Variants in BCAS3 observed in about 807,000 individuals in gnomAD.
The protein encoded by BCAS3 is BCAS3 microtubule associated cell migration factor, also known as BCAS4/BCAS3 fusion.
Under a neutral mutation model 116.1 loss-of-function variants are expected in BCAS3, and 53 were observed. That is an observed-to-expected ratio of 0.46 (90% CI 0.37 to 0.57). BCAS3 has a LOEUF of 0.57. Among genes scored for constraint, BCAS3 ranks in the 20% least tolerant of loss-of-function variants. The probability of loss-of-function intolerance (pLI) is 0.00; values close to 1 mark genes in which losing one functional copy is unlikely to be tolerated. For synonymous variants in BCAS3, 391 were observed against 408.2 expected (o/e 0.96, Z 0.51); for missense variants, 917 against 1,165.4 (o/e 0.79, Z 3.10).
Position 61,065,629 on chromosome 17 carries a change from A to G in BCAS3, c.2030-9291A>G, listed in dbSNP as rs1447254623. Among the ~76,000 whole-genome samples, 1 of 152,198 alleles carries G rather than the reference A, an allele frequency of 6.6e-6. No individual in the cohort carries two copies. The highest frequency in any genetic ancestry group is 1.5e-5 in the Non-Finnish European group (1 of 68,024). ...GACTGAAAAATGCTGGCACAACATT[A>G]TTCATCTCTCAGGTCTCCACTAAAA... On this transcript the variant is annotated intron_variant, in intron 19 of 23. Coordinates refer to ENST00000407086, the MANE Select transcript of BCAS3 (RefSeq NM_017679.5). The surrounding 1 kb of genome is among the most constrained non-coding windows in gnomAD (Gnocchi z 4.8).
chr17:61,328,156 C>CT (rs1335839705), intron 22 of BCAS3, among the ~76,000 whole-genome samples: 4 of 150,106 alleles, frequency 2.7e-5, no homozygotes, highest in African/African-American at 9.9e-5. Flanking sequence ...TAACCTATAG[C>CT]TTTAAAAAAA....
chr17:61,350,414 C>CAATA (rs55888678), intron 22 of BCAS3, among the ~76,000 whole-genome samples: 78,105 of 136,434 alleles, frequency 0.57, 23,589 homozygotes, highest in South Asian at 0.72. Context: ...GACTCTGTCT[C>CAATA]AATAAATAAA....
At chr17:60,981,620 A>G (rs1243476383) in intron 14 of BCAS3, among the ~76,000 whole-genome samples, 2 of 152,204 alleles carry the variant, frequency 1.3e-5, no homozygotes, top group Non-Finnish European at 2.9e-5. Context: ...CAGTGAAAAC[A>G]GACATTTGGA....
intron 18 of BCAS3, among the ~76,000 whole-genome samples, chr17:61,038,516 G>A (rs1184010492): frequency 2.6e-5 from 4 of 151,794 alleles, no homozygotes; most frequent in African/African-American, 9.7e-5. Context: ...GCCTCCCAAA[G>A]TGCTGGAATT....
At chr17:60,782,561 G>GTTATTATTATTATTA (rs59139545) in intron 6 of BCAS3, among the ~76,000 whole-genome samples, 11 of 142,462 alleles carry the variant, frequency 7.7e-5, no homozygotes, top group African/African-American at 2.9e-4. Context: ...GTCTTTATAA[G>GTTATTATTATTATTA]TTATTATTAT....
intron 6 of BCAS3, among the ~76,000 whole-genome samples, chr17:60,777,581 A>AT (rs1456398088): frequency 1.3e-5 from 2 of 152,206 alleles, no homozygotes; most frequent in African/African-American, 4.8e-5. Flanking sequence ...AGCTGAGATC[A>AT]TGCCAGTGCA....
At chr17:60,917,529 G>A (rs1305934883) in intron 12 of BCAS3, among the ~76,000 whole-genome samples, 2 of 151,932 alleles carry the variant, frequency 1.3e-5, no homozygotes, top group Non-Finnish European at 2.9e-5. Flanking sequence ...CACTGAATGT[G>A]TATACTACAT....
At position 61,133,788 on chromosome 17, in the gene BCAS3, A is replaced by C. The variant is rs144109945; in HGVS notation, c.2425+49224A>C. ...GGAAGAGGAAATAGGTTATTTCCTT[A>C]GCCTCCTGAAGCAAATGAATTGGAA... On this transcript the variant is annotated intron_variant, in intron 22 of 23. Coordinates refer to ENST00000407086, the MANE Select transcript of BCAS3 (RefSeq NM_017679.5). Among the ~76,000 whole-genome samples, 9 of 142,414 alleles carry C rather than the reference A, an allele frequency of 6.3e-5. No individual in the cohort carries two copies. In the East Asian group the frequency reaches 2.0e-3, roughly 31 times the overall value. The allele number at this position is 142,414 out of a possible 152,430, so 93.4% of individuals were successfully genotyped here.
At chr17:60,829,126 G>A (rs964878441) in intron 7 of BCAS3, among the ~76,000 whole-genome samples, 1 of 152,016 alleles carries the variant, frequency 6.6e-6, no homozygotes, top group African/African-American at 2.4e-5. Context: ...TTTCTTGCTA[G>A]AGCTGACATT....
At chr17:60,902,513 C>G (rs990982025) in intron 10 of BCAS3, 107 bp from the exon 11 acceptor site, 3 of 874,200 alleles carry the variant, frequency 3.4e-6, no homozygotes, top group South Asian at 3.1e-5. Flanking sequence ...AACATTCCCA[C>G]CCATCACCAT....
At chr17:60,725,247 C>T (rs977965519) in intron 5 of BCAS3, among the ~76,000 whole-genome samples, 3 of 151,984 alleles carry the variant, frequency 2.0e-5, no homozygotes, top group African/African-American at 7.3e-5. Flanking sequence ...TCTATTTTTT[C>T]ATTGGTTTAA....
intron 6 of BCAS3, among the ~76,000 whole-genome samples, chr17:60,767,981 G>A (rs908435885): frequency 6.6e-6 from 1 of 152,028 alleles, no homozygotes; most frequent in Admixed American, 6.5e-5. Context: ...TAAATATTTT[G>A]TAGGAACAGG....
At chr17:60,849,973 G>T (rs2052929688) in intron 7 of BCAS3, among the ~76,000 whole-genome samples, 1 of 152,028 alleles carries the variant, frequency 6.6e-6, no homozygotes, top group Non-Finnish European at 1.5e-5. Flanking sequence ...GCCCAGGATG[G>T]TCTTGAACTT....
chr17:61,191,696 A>G (rs1176866172), intron 22 of BCAS3, among the ~76,000 whole-genome samples: 3 of 151,864 alleles, frequency 2.0e-5, no homozygotes, highest in African/African-American at 7.3e-5. Context: ...AATGGCGTGA[A>G]CCTGGGAGGC....
intron 13 of BCAS3, among the ~76,000 whole-genome samples, chr17:60,931,279 T>A (rs1316733150): frequency 6.6e-6 from 1 of 152,134 alleles, no homozygotes; most frequent in African/African-American, 2.4e-5. Context: ...CTTTATTTTT[T>A]ATTTTTATTT....
chr17:60,782,460 A>T (rs1568239561), intron 6 of BCAS3, among the ~76,000 whole-genome samples: 1 of 152,104 alleles, frequency 6.6e-6, no homozygotes. Context: ...TTGGAAATCC[A>T]TGCCTATCTG....
intron 22 of BCAS3, among the ~76,000 whole-genome samples, chr17:61,303,874 G>A (rs1004432299): frequency 6.6e-6 from 1 of 152,204 alleles, no homozygotes; most frequent in Non-Finnish European, 1.5e-5. Context: ...CTGGCACTTA[G>A]TAGGTGTTCA....
intron 10 of BCAS3, among the ~76,000 whole-genome samples, chr17:60,891,879 TTA>T (rs2057177100): frequency 6.6e-6 from 1 of 152,192 alleles, no homozygotes. Flanking sequence ...TAGCTCCCAT[TTA>T]TAAGTGAGAA....
At chr17:61,079,273 C>T (rs2143495654) in intron 21 of BCAS3, among the ~76,000 whole-genome samples, 1 of 152,198 alleles carries the variant, frequency 6.6e-6, no homozygotes, top group East Asian at 1.9e-4. Flanking sequence ...TAAAACAACC[C>T]TCTGACCTTT....
Sources: gnomAD v4.1 joint callset for allele counts (sites outside exome capture counted in the v4.1 genomes callset) on GRCh38, gnomAD v4.1.1 for gene constraint, Gnocchi (gnomAD v3.1) non-coding constraint, MANE v1.5 for transcripts, NCBI Gene and HGNC (gene_info 2026-07-23, HGNC 2026-07-21) for gene names.